PCBP3: variants seen among roughly 807,000 people sequenced by gnomAD.
The protein encoded by PCBP3 is poly(rC)-binding protein 3.
A neutral mutation model predicts 52.7 loss-of-function variants in PCBP3; 25 were observed. The ratio of observed to expected loss-of-function variants is 0.47; its 90% CI spans 0.35 to 0.66. The LOEUF is 0.66. Among genes scored for constraint, PCBP3 ranks in the 30% least tolerant of loss-of-function variants. PCBP3 has a pLI of 0.01. For missense variants in PCBP3, 391 were observed against 490.3 expected, an observed-to-expected ratio of 0.80 and a Z score of 1.91; for synonymous variants, 162 against 183.0, an observed-to-expected ratio of 0.89 and a Z score of 0.93.
intron 2 of PCBP3, among the ~76,000 whole-genome samples, chr21:45,691,441 T>TATATAAAATATATATATC (rs1569121449): frequency 1.5e-4 from 14 of 95,704 alleles, no homozygotes; most frequent in Non-Finnish European, 2.8e-4. Flanking sequence ...ATATATCATA[T>TATATAAAATATATATATC]ATATGTATGT....
chr21:45,752,113 A>G (rs138688767), intron 3 of PCBP3, among the ~76,000 whole-genome samples: 24 of 152,110 alleles, frequency 1.6e-4, no homozygotes, highest in Non-Finnish European at 2.6e-4. Flanking sequence ...GCTATGCCAA[A>G]GATTTTTTAT....
chr21:45,893,848 C>T (rs939489960), intron 5 of PCBP3: 2 of 985,300 alleles, frequency 2.0e-6, no homozygotes, highest in Admixed American at 6.1e-5. Context: ...GCCTTGGATG[C>T]CAGTGGTCCG....
chr21:45,721,014 A>G (rs2084594089), intron 2 of PCBP3, among the ~76,000 whole-genome samples: 1 of 152,222 alleles, frequency 6.6e-6, no homozygotes, highest in Non-Finnish European at 1.5e-5. Context: ...GTTTGAAGGT[A>G]CCTTGCTTTC....
chr21:45,649,887 T>A (rs7275803), intron 1 of PCBP3, among the ~76,000 whole-genome samples: 1,746 of 152,244 alleles, frequency 0.011, 50 homozygotes, highest in African/African-American at 0.039. Context: ...GAATAGATTT[T>A]GAATTTTCTC....
intron 5 of PCBP3, among the ~76,000 whole-genome samples, chr21:45,874,841 C>A (rs956526786): frequency 6.6e-6 from 1 of 152,176 alleles, no homozygotes; most frequent in Non-Finnish European, 1.5e-5. Flanking sequence ...CTGTGGTTTT[C>A]GCTGCCCGTG....
intron 3 of PCBP3, chr21:45,750,973 C>T (rs942236981): frequency 6.6e-5 from 10 of 152,056 alleles, no homozygotes; most frequent in Non-Finnish European, 1.5e-4. Flanking sequence ...CCTTTCTCTT[C>T]CTGTTATCCC....
intron 4 of PCBP3, among the ~76,000 whole-genome samples, chr21:45,816,072 A>G: frequency 9.5e-6 from 1 of 105,234 alleles, no homozygotes; most frequent in Non-Finnish European, 2.0e-5. Context: ...GTGATGAGTG[A>G]GTGGTGAGTG....
At chr21:45,822,190 C>T (rs2093160331) in intron 4 of PCBP3, among the ~76,000 whole-genome samples, 2 of 152,156 alleles carry the variant, frequency 1.3e-5, no homozygotes, top group Admixed American at 6.5e-5. Flanking sequence ...GAGAAGCTGG[C>T]AGGACTCCTG....
At chr21:45,707,601 G>A (rs147753659) in intron 2 of PCBP3, among the ~76,000 whole-genome samples, 1 of 152,326 alleles carries the variant, frequency 6.6e-6, no homozygotes, top group Non-Finnish European at 1.5e-5. Flanking sequence ...TGCATTTCCA[G>A]TGAGCACCTC....
At chr21:45,651,103 C>T (rs1165231184) in intron 1 of PCBP3, among the ~76,000 whole-genome samples, 1 of 151,980 alleles carries the variant, frequency 6.6e-6, no homozygotes, top group African/African-American at 2.4e-5. Flanking sequence ...AGCAGAGGAC[C>T]CAGTTAAGCC....
intron 5 of PCBP3, among the ~76,000 whole-genome samples, chr21:45,876,819 G>T (rs751522318): frequency 3.9e-5 from 6 of 152,262 alleles, no homozygotes; most frequent in Non-Finnish European, 7.3e-5. Flanking sequence ...AGCTGAGGCC[G>T]TGAGTGCAGC....
At chr21:45,886,769 C>T (rs2095534565) in intron 5 of PCBP3, among the ~76,000 whole-genome samples, 1 of 152,166 alleles carries the variant, frequency 6.6e-6, no homozygotes, top group African/African-American at 2.4e-5. Context: ...ATTACTGACC[C>T]CGCATTGCCT....
intron 7 of PCBP3, among the ~76,000 whole-genome samples, chr21:45,900,067 G>A (rs879709418): frequency 7.2e-5 from 11 of 152,190 alleles, no homozygotes; most frequent in Admixed American, 3.9e-4. Flanking sequence ...CTGCTGCCCC[G>A]GGAGGCCGAG....
intron 5 of PCBP3, among the ~76,000 whole-genome samples, chr21:45,854,926 G>C (rs113986713): frequency 6.6e-6 from 1 of 152,164 alleles, no homozygotes; most frequent in Non-Finnish European, 1.5e-5. Flanking sequence ...GGAAACTTAC[G>C]ATCTCTCCTG....
intron 13 of PCBP3, among the ~76,000 whole-genome samples, chr21:45,927,930 C>T (rs890725316): frequency 6.6e-6 from 1 of 152,190 alleles, no homozygotes; most frequent in Non-Finnish European, 1.5e-5. Flanking sequence ...AGCTCCTGAG[C>T]CCCACTAGGA....
intron 13 of PCBP3, among the ~76,000 whole-genome samples, chr21:45,926,079 C>A (rs1292365319): frequency 6.6e-6 from 1 of 152,242 alleles, no homozygotes; most frequent in African/African-American, 2.4e-5. Context: ...TCGTATCGAC[C>A]ACACTCTCTT....
At chr21:45,861,897 A>G (rs1016226865) in intron 5 of PCBP3, among the ~76,000 whole-genome samples, 5 of 152,186 alleles carry the variant, frequency 3.3e-5, no homozygotes, top group Admixed American at 6.5e-5. Flanking sequence ...AACAGAATCA[A>G]TGTATCACTC....
At chr21:45,752,732 A>G (rs1402124946) in intron 3 of PCBP3, 2 of 152,084 alleles carry the variant, frequency 1.3e-5, no homozygotes, top group Non-Finnish European at 2.9e-5. Context: ...CACATGGTCA[A>G]GTATTATAAA....
At chr21:45,652,024 G>A (rs2079716794) in intron 1 of PCBP3, among the ~76,000 whole-genome samples, 1 of 152,118 alleles carries the variant, frequency 6.6e-6, no homozygotes, top group Non-Finnish European at 1.5e-5. Flanking sequence ...AATGTTTGGG[G>A]AAAAGCCTAC....
Sources: gnomAD v4.1 joint callset for allele counts (sites outside exome capture counted in the v4.1 genomes callset) on GRCh38, gnomAD v4.1.1 for gene constraint, MANE v1.5 for transcripts, NCBI Gene and HGNC (gene_info 2026-07-23, HGNC 2026-07-21) for gene names.